Variants in ROBO1 observed in about 807,000 individuals in gnomAD.
The protein encoded by ROBO1 is roundabout guidance receptor 1, also known as roundabout homolog 1.
ROBO1 carries 149 observed loss-of-function variants against 195.9 expected under a neutral mutation model. The observed-to-expected ratio is 0.76, with a 90% CI of 0.67 to 0.87. ROBO1 has a LOEUF of 0.87. ROBO1 is among the 40% of genes least tolerant of loss of function. ROBO1 has a pLI of 0.00. For missense variants in ROBO1, 1,933 were observed against 2,068.3 expected (o/e 0.93, Z 1.27); for synonymous variants, 816 against 733.2 (o/e 1.11, Z -1.82).
At chr3:79,326,621 G>T (rs971740867) in intron 2 of ROBO1, among the ~76,000 whole-genome samples, 4 of 152,122 alleles carry the variant, frequency 2.6e-5, no homozygotes, top group African/African-American at 9.7e-5. Context: ...AAACCAATAT[G>T]AATTGTGAGC....
chr3:78,717,378 C>T lies in ROBO1; in HGVS notation c.814G>A (p.Ala272Thr). The change falls in exon 7 of 31, where the codon GCA becomes ACA. Residue 272 changes from alanine to threonine, a missense_variant. Coordinates refer to ENST00000464233, the MANE Select transcript of ROBO1 (RefSeq NM_002941.4). Reference sequence around the variant, plus strand: ...TCTGCACTGTCATCCACAGTTACTGCCAAGTTACTGGGTCTCTTCACAAAT... The same window carrying T: ...TCTGCACTGTCATCCACAGTTACTGTCAAGTTACTGGGTCTCTTCACAAAT... ...PSFVKRPSNLAVTVDDSAEFK... is the reference protein window; with the variant it reads ...PSFVKRPSNLTVTVDDSAEFK... The T allele has an allele frequency of 6.2e-7, 1 of 1,612,876 alleles. No homozygotes were observed. The highest frequency in any genetic ancestry group is 8.5e-7 in the Non-Finnish European group (1 of 1,179,004).
At position 79,251,049 on chromosome 3, in the gene ROBO1, A is replaced by C. The variant is rs1233114758; in HGVS notation, c.89-125510T>G. On this transcript the variant is annotated intron_variant, in intron 2 of 30. Coordinates refer to ENST00000464233, the MANE Select transcript of ROBO1 (RefSeq NM_002941.4). Reference sequence around the variant, plus strand: ...CAGCGTGGGTGACAGAATGAGAGCCAAACTGTCTCAACAACAACAACAAAA... The same window carrying C: ...CAGCGTGGGTGACAGAATGAGAGCCCAACTGTCTCAACAACAACAACAAAA... 3.9e-5 allele frequency among the ~76,000 whole-genome samples: 6 copies of C among 152,262 alleles called. No homozygotes were observed. The East Asian group carries it at 1.2e-3, about 29-fold the overall frequency.
chr3:78,720,304 G>A (rs577782451), intron 5 of ROBO1, among the ~76,000 whole-genome samples: 1 of 152,298 alleles, frequency 6.6e-6, no homozygotes, highest in South Asian at 2.1e-4. Flanking sequence ...GGTCAGATAT[G>A]TGTCTTTGCA....
At position 79,487,652 on chromosome 3, in the gene ROBO1, G is replaced by A. The variant is rs140999941; in HGVS notation, c.88+102172C>T. Among the ~76,000 whole-genome samples, 342 of 152,192 alleles carry A rather than the reference G, an allele frequency of 2.2e-3. 2 individuals carry two copies. The highest frequency in any genetic ancestry group is 3.7e-3 in the Non-Finnish European group (255 of 68,016). ...CTATGTTTAGGTTCTATGTTATTAA[G>A]ACAGCTTTAACTCTTAGCTTTCACC... On this transcript the variant is annotated intron_variant, in intron 2 of 30. Coordinates refer to ENST00000464233, the MANE Select transcript of ROBO1 (RefSeq NM_002941.4).
chr3:78,691,472 A>G (rs1197484285), intron 8 of ROBO1, among the ~76,000 whole-genome samples: 5 of 152,158 alleles, frequency 3.3e-5, no homozygotes, highest in Non-Finnish European at 7.4e-5. Flanking sequence ...ACTGTTTAAT[A>G]AACAAGCAAA....
At chr3:79,568,951 C>G (rs1943181783) in intron 2 of ROBO1, among the ~76,000 whole-genome samples, 1 of 152,056 alleles carries the variant, frequency 6.6e-6, no homozygotes, top group Admixed American at 6.6e-5. Flanking sequence ...ATATTTAACT[C>G]AATTCTTTCG....
At chr3:79,264,311 C>T (rs1390082992) in intron 2 of ROBO1, among the ~76,000 whole-genome samples, 1 of 151,818 alleles carries the variant, frequency 6.6e-6, no homozygotes, top group Admixed American at 6.6e-5. Context: ...CAATCTCTCA[C>T]AAAGCTAGTC....
At chr3:79,123,491 C>T (rs2080159566) in intron 3 of ROBO1, among the ~76,000 whole-genome samples, 1 of 151,912 alleles carries the variant, frequency 6.6e-6, no homozygotes, top group African/African-American at 2.4e-5. Context: ...TTATCACTTG[C>T]AATGGAAGTT....
intron 5 of ROBO1, among the ~76,000 whole-genome samples, chr3:78,726,417 C>A (rs9837496): frequency 6.6e-6 from 1 of 151,866 alleles, no homozygotes; most frequent in Non-Finnish European, 1.5e-5. Context: ...AAGGGCTTGA[C>A]GAGTGGGATT....
At chr3:78,857,105 A>G (rs891603372) in intron 4 of ROBO1, among the ~76,000 whole-genome samples, 1 of 152,086 alleles carries the variant, frequency 6.6e-6, no homozygotes, top group South Asian at 2.1e-4. Flanking sequence ...ATTATTTATG[A>G]CATTTATTCA....
intron 3 of ROBO1, among the ~76,000 whole-genome samples, chr3:79,021,552 T>C (rs1437591637): frequency 6.6e-6 from 1 of 152,230 alleles, no homozygotes; most frequent in Non-Finnish European, 1.5e-5. Flanking sequence ...AGATTTCTTT[T>C]GCCATTTATC....
At chr3:78,938,302 T>A (rs2039929900) in intron 4 of ROBO1, 2 of 321,140 alleles carry the variant, frequency 6.2e-6, no homozygotes, top group African/African-American at 4.3e-5. Flanking sequence ...CTATTCAATA[T>A]CTTTAAAGGT....
intron 3 of ROBO1, among the ~76,000 whole-genome samples, chr3:79,031,744 T>C (rs763606608): frequency 1.3e-5 from 2 of 152,206 alleles, no homozygotes; most frequent in Non-Finnish European, 2.9e-5. Context: ...TGTGATTTCA[T>C]CGTGAAAAAG....
chr3:79,235,942 A>G (rs980599700), intron 2 of ROBO1, among the ~76,000 whole-genome samples: 1 of 152,098 alleles, frequency 6.6e-6, no homozygotes, highest in African/African-American at 2.4e-5. Context: ...TGACAACAAT[A>G]TAGCATATTG....
chr3:79,698,687 A>C (rs1317938315), intron 1 of ROBO1, among the ~76,000 whole-genome samples: 1 of 151,626 alleles, frequency 6.6e-6, no homozygotes, highest in Non-Finnish European at 1.5e-5. Context: ...ATTCAATCTT[A>C]AAGTATTCCT....
At chr3:79,307,916 A>T (rs894328063) in intron 2 of ROBO1, among the ~76,000 whole-genome samples, 2 of 152,138 alleles carry the variant, frequency 1.3e-5, no homozygotes, top group African/African-American at 2.4e-5. Flanking sequence ...ATCAGGAAAA[A>T]ACCTTATATT....
chr3:79,554,151 T>A (rs535904096), intron 2 of ROBO1, among the ~76,000 whole-genome samples: 1 of 152,122 alleles, frequency 6.6e-6, no homozygotes, highest in South Asian at 2.1e-4. Flanking sequence ...ATCCTTGATG[T>A]CTTAATATAT....
intron 3 of ROBO1, among the ~76,000 whole-genome samples, chr3:79,041,513 G>A (rs1367966749): frequency 7.9e-5 from 12 of 151,706 alleles, no homozygotes; most frequent in Non-Finnish European, 1.0e-4. Flanking sequence ...TGTTCTTTAC[G>A]GGTCTATGCA....
At chr3:79,482,888 A>G (rs1311214081) in intron 2 of ROBO1, among the ~76,000 whole-genome samples, 5 of 152,150 alleles carry the variant, frequency 3.3e-5, no homozygotes, top group Non-Finnish European at 7.4e-5. Context: ...TTTATCCTCA[A>G]GTCCATTTTC....
Sources: allele counts gnomAD v4.1 joint callset (sites outside exome capture counted in the v4.1 genomes callset), GRCh38; gene constraint gnomAD v4.1.1; transcripts MANE v1.5; gene names NCBI Gene and HGNC (gene_info 2026-07-23, HGNC 2026-07-21).